The following PER1 variants were observed in gnomAD, a reference collection of about 807,000 sequenced individuals.
PER1 encodes period circadian regulator 1.
A neutral mutation model predicts 125.9 loss-of-function variants in PER1; 87 were observed. That is an observed-to-expected ratio of 0.69 (90% CI 0.58 to 0.83). PER1 has a LOEUF of 0.83. Among genes scored for constraint, PER1 ranks in the 40% least tolerant of loss-of-function variants. PER1 has a pLI of 0.00. For missense variants in PER1, 1,775 were observed against 1,722.8 expected (o/e 1.03, Z -0.54); for synonymous variants, 801 against 714.7 (o/e 1.12, Z -1.93).
Position 8,142,756 on chromosome 17 carries a change from G to A in PER1, c.3152C>T (p.Ser1051Leu), listed in dbSNP as rs201785448. Residue 1051 changes from serine to leucine, a missense_variant, in exon 20 of 23, where the codon TCG (serine) becomes TTG (leucine). Ser to Leu is a moderately radical substitution (Grantham distance 145). Coordinates refer to ENST00000317276, the MANE Select transcript of PER1 (RefSeq NM_002616.3). Reference sequence around the variant, plus strand: ...GGCTGCGGAGCCTGTGCCGGAGCGCGAGTCCTCTTGCAGCAGAAGTTCGAG... The same window carrying A: ...GGCTGCGGAGCCTGTGCCGGAGCGCAAGTCCTCTTGCAGCAGAAGTTCGAG... ...DLLELLLQED[S>L]RSGTGSAASG... The A allele has an allele frequency of 3.7e-6, 6 of 1,613,818 alleles. No individual in the cohort carries two copies. The highest frequency in any genetic ancestry group is 1.7e-5 in the Admixed American group (1 of 60,022).
rs1191929222 is a variant in PER1 at position 8,141,948 on chromosome 17, T to G, written c.3457A>C (p.Thr1153Pro). The G allele has an allele frequency of 6.2e-7, 1 of 1,613,664 alleles. No individual in the cohort carries two copies. The highest frequency in any genetic ancestry group is 8.5e-7 in the Non-Finnish European group (1 of 1,179,956). ...MTYQVPSRDM[T>P]SVLKQDRERL... ...TCCCGATCCTGCTTCAGCACAGAGG[T>G]CATGTCCCTGCCCAAGAAGGGGTTC... Residue 1153 changes from threonine (T) to proline (P), a missense_variant, in exon 22 of 23, where the codon ACC becomes CCC. Thr to Pro is a conservative substitution (Grantham distance 38). Transcript: ENST00000317276.
At position 8,144,329 on chromosome 17, in the gene PER1, C is replaced by T. The variant is rs568274550; in HGVS notation, c.2461+422G>A. On this transcript the variant is annotated intron_variant, in intron 18 of 22. Coordinates refer to ENST00000317276, the MANE Select transcript of PER1 (RefSeq NM_002616.3). ...GCCCAGTCCTGAGTCCTGCGTCTGC[C>T]TGCAGGGGATCTCCCTCAGGCACCT... The T allele has an allele frequency of 5.8e-5, 24 of 413,036 alleles. No individual in the cohort carries two copies. The East Asian group carries it at 8.4e-4, about 14-fold the overall frequency. The allele number at this position is 413,036 out of a possible 1,614,324, so 25.6% of individuals were successfully genotyped here.
rs1381802143 is a variant in PER1 at position 8,149,515 on chromosome 17, T to C, written c.800A>G (p.Tyr267Cys). The C allele has an allele frequency of 3.1e-6, 5 of 1,613,818 alleles. No individual in the cohort carries two copies. Among genetic ancestry groups the C allele is most frequent in the South Asian group, 1.1e-5 (1 of 91,084 alleles). The change falls in exon 6 of 23, where the codon TAT becomes TGT. Residue 267 changes from tyrosine (Y) to cysteine (C), a missense_variant. Physicochemically the swap from Tyr to Cys is radical, Grantham distance 194. Coordinates refer to ENST00000317276, the MANE Select transcript of PER1 (RefSeq NM_002616.3). ...LLAPQDVGVFYGSTAPSRLPT... is the reference protein window; with the variant it reads ...LLAPQDVGVFCGSTAPSRLPT... ...CAGGCGAGATGGAGCAGTGGAACCA[T>C]AGAAGACTCCCACATCCTGGGGAGC...
In PER1 at chr17:8,150,671, C is replaced by T. The variant is rs772331806; in HGVS notation, c.36G>A (p.Gly12=). 2 of 1,590,668 alleles carry T rather than the reference C, an allele frequency of 1.3e-6. No homozygotes were observed. Among genetic ancestry groups the T allele is most frequent in the African/African-American group, 1.3e-5 (1 of 74,320 alleles). The part of the protein sequence containing the change: ...SGPLEGADGG[G]DPRPGESFCP... ...AAAATGATTCCCCAGGCCTGGGGTC[C>T]CCTCCCCCATCAGCCCCTTCTAGGG... The change falls in exon 2 of 23, where the codon GGG becomes GGA. Residue 12 remains glycine (G), a synonymous_variant. Coordinates refer to ENST00000317276, the MANE Select transcript of PER1 (RefSeq NM_002616.3).
chr17:8,142,569 G>C, intron 20 of PER1, 80 bp downstream of exon 20: 3 of 1,572,018 alleles, frequency 1.9e-6, no homozygotes, highest in Non-Finnish European at 8.6e-7. Flanking sequence ...GCCTTAGGAA[G>C]CTCCGCCAAG....
At chr17:8,146,228 TAGGGAACAG>T (rs1982427063) in intron 16 of PER1, 91 bp from the exon 17 acceptor site, 3 of 1,529,430 alleles carry the variant, frequency 2.0e-6, no homozygotes, top group East Asian at 4.5e-5. Flanking sequence ...GGGATGGTGG[TAGGGAACAG>T]AGGGAACAGT....
Position 8,142,714 on chromosome 17 carries a change from G to C in PER1, c.3194C>G (p.Ser1065Cys). The change falls in exon 20 of 23, where the codon TCT becomes TGT. Residue 1065 changes from serine to cysteine, a missense_variant. Transcript: ENST00000317276. The part of the protein sequence containing the change: ...TGSAASGSLG[S>C]GLGSGSGSGS... The stretch of plus-strand genomic sequence containing the variant: ...TGAACCAGACCCAGAGCCCAAGCCA[G>C]AGCCCAAGGAGCCCGAGGCTGCGGA... 7 of 1,614,014 alleles carry C rather than the reference G, an allele frequency of 4.3e-6. No homozygotes were observed. Among genetic ancestry groups the C allele is most frequent in the Non-Finnish European group, 5.1e-6 (6 of 1,179,988 alleles).
chr17:8,142,512 T>G, intron 20 of PER1, 54 bp from the exon 21 acceptor site: 1 of 1,549,006 alleles, frequency 6.5e-7, no homozygotes, highest in Non-Finnish European at 8.7e-7. Flanking sequence ...TGCCCACTCC[T>G]GGGACCTCAC....
rs1982032646 is a variant in PER1, at chr17:8,140,781, C to T, written c.*287G>A. 1 of 396,774 alleles carries T rather than the reference C, an allele frequency of 2.5e-6. No homozygotes were observed. The highest frequency in any genetic ancestry group is 4.6e-6 in the Non-Finnish European group (1 of 215,668). The allele number at this position is 396,774 out of a possible 1,614,324, so 24.6% of individuals were successfully genotyped here. On this transcript the variant is annotated 3_prime_UTR_variant, in exon 23 of 23. Coordinates refer to ENST00000317276, the MANE Select transcript of PER1 (RefSeq NM_002616.3). ...AGGCTCAGCTGGAATATGGAGAGGC[C>T]ACTTCAGCAGCTTGTCAGCAACTTT...
intron 7 of PER1, 79 bp from the exon 8 acceptor site, chr17:8,148,865 A>G: frequency 7.8e-6 from 12 of 1,530,904 alleles, no homozygotes; most frequent in Non-Finnish European, 1.1e-5. Context: ...ACAGCAGACA[A>G]CAGCAAAGAC....
chr17:8,146,833 T>TG lies in PER1; in HGVS notation c.1735+63dup, dbSNP rs1408650807. The TG allele has an allele frequency of 4.4e-6, 7 of 1,606,464 alleles. No homozygotes were observed. In the East Asian group the frequency reaches 1.6e-4, roughly 36 times the overall value. On this transcript the variant is annotated intron_variant, in intron 14 of 22. Transcript: ENST00000317276. ...ACATGGAAAAAAACAGCAAATGGGT[T>TG]GGGGGTGAAGGTCAGGGGACCCCCC...
In PER1 at chr17:8,143,253, GGTC is replaced by G; in HGVS notation, c.3072+10_3072+12del. On this transcript the variant is annotated intron_variant, in intron 19 of 22. Coordinates refer to ENST00000317276, the MANE Select transcript of PER1 (RefSeq NM_002616.3). ...GTGGGGGCTGGCAGGCAGACGCAGG[GGTC>G]AGTGCTCACCAGTCTGGCCTCTGGC... The G allele has an allele frequency of 6.7e-7, 1 of 1,492,538 alleles. No individual in the cohort carries two copies. The highest frequency in any genetic ancestry group is 8.9e-7 in the Non-Finnish European group (1 of 1,118,554). The allele number at this position is 1,492,538 out of a possible 1,614,324, so 92.5% of individuals were successfully genotyped here.
chr17:8,151,715 C>T (rs900767130), intron 1 of PER1, among the ~76,000 whole-genome samples: 1 of 152,170 alleles, frequency 6.6e-6, no homozygotes, highest in African/African-American at 2.4e-5. Context: ...CGTCAAGGAC[C>T]CGAGGATCCT....
Position 8,147,552 on chromosome 17 carries a change from G to C in PER1, c.1415C>G (p.Thr472Ser). 4 of 1,613,582 alleles carry C rather than the reference G, an allele frequency of 2.5e-6. No homozygotes were observed. Among genetic ancestry groups the C allele is most frequent in the Non-Finnish European group, 2.5e-6 (3 of 1,179,716 alleles). ...RTAPLNEDVF[T>S]PPAPSPAPSL... The stretch of plus-strand genomic sequence containing the variant: ...GGGAGCTGGGCTGGGGGCCGGGGGA[G>C]TGAACACGTCCTCATTCAGGGGGGC... The change falls in exon 12 of 23, where the codon ACT (threonine) becomes AGT (serine). Residue 472 changes from threonine to serine, a missense_variant. By Grantham distance (58) the Thr-to-Ser change is moderately conservative. Coordinates refer to ENST00000317276, the MANE Select transcript of PER1 (RefSeq NM_002616.3).
Position 8,150,354 on chromosome 17 carries a change from C to G in PER1, c.276-37G>C, listed in dbSNP as rs748850368. The stretch of plus-strand genomic sequence containing the variant: ...CAACAGGCCCAGTTACAGGTAGGGC[C>G]AGCAGTGCGAGGCCTGTCACCCAGC... On this transcript the variant is annotated intron_variant, in intron 2 of 22. Transcript: ENST00000317276. 3.7e-5 allele frequency: 57 copies of G among 1,550,794 alleles called. 1 individual carries two copies. Among genetic ancestry groups the G allele is most frequent in the Middle Eastern group, 1.7e-4 (1 of 5,720 alleles).
At position 8,143,893 on chromosome 17, in the gene PER1, G is replaced by C; in HGVS notation, c.2462-17C>G. 6.3e-7 allele frequency: 1 copy of C among 1,593,384 alleles called. No individual in the cohort carries two copies. Among genetic ancestry groups the C allele is most frequent in the Non-Finnish European group, 8.5e-7 (1 of 1,172,380 alleles). On this transcript the variant is annotated splice_polypyrimidine_tract_variant and intron_variant, in intron 18 of 22. Transcript: ENST00000317276. ...GGTGGCAGCCTGTGGGGAGAGACTA[G>C]GGTTAGCAAGGACCTCAACCTGGGG...
In PER1 at chr17:8,146,691, C is replaced by G. The variant is rs753045671; in HGVS notation, c.1810G>C (p.Val604Leu). 1 of 1,613,616 alleles carries G rather than the reference C, an allele frequency of 6.2e-7. No homozygotes were observed. Among genetic ancestry groups the G allele is most frequent in the Admixed American group, 1.7e-5 (1 of 59,984 alleles). ...GGGACCAAGGCTAGTGGGGCCTGGA[C>G]GGGAGCAGAACCCGCCTCCAGCTCT... ...DPELEAGSAP[V>L]QAPLALVPEE... is the part of the protein sequence containing the mutation. The change falls in exon 15 of 23, where the codon GTC becomes CTC. Residue 604 changes from valine (V) to leucine (L), a missense_variant. Transcript: ENST00000317276.
At chr17:8,145,324 CTTTTTTTTT>C (rs398030276) in intron 17 of PER1, among the ~76,000 whole-genome samples, 4 of 125,510 alleles carry the variant, frequency 3.2e-5, no homozygotes, top group South Asian at 5.0e-4. Flanking sequence ...TTTCTTGTTT[CTTTTTTTTT>C]TTTTTTTTGA....
intron 21 of PER1, 99 bp from the exon 22 acceptor site, chr17:8,142,054 A>C (rs1262129805): frequency 2.0e-6 from 3 of 1,487,708 alleles, no homozygotes; most frequent in Non-Finnish European, 2.8e-6. Flanking sequence ...TTCCCACCTC[A>C]TGCTCCTCCC....
Sources: allele counts gnomAD v4.1 joint callset (sites outside exome capture counted in the v4.1 genomes callset), GRCh38; gene constraint gnomAD v4.1.1; transcripts MANE v1.5; gene names NCBI Gene and HGNC (gene_info 2026-07-23, HGNC 2026-07-21).